CMTM4: variants seen among roughly 807,000 people sequenced by gnomAD.
CMTM4 encodes CKLF-like MARVEL transmembrane domain-containing protein 4.
In CMTM4, 8 loss-of-function variants were observed where a neutral mutation model predicts 19.0. That is an observed-to-expected ratio of 0.42 (90% confidence interval 0.25 to 0.76). The LOEUF (loss-of-function observed/expected upper bound fraction) is 0.76, where lower values mean the gene tolerates loss of function less well. Ranked by LOEUF, CMTM4 falls within the 30% of genes least tolerant of loss-of-function variation. The pLI, the probability that CMTM4 is intolerant of heterozygous loss-of-function variation, is 0.27. For missense variants in CMTM4, 228 were observed against 290.2 expected, an observed-to-expected ratio of 0.79 and a Z score of 1.56; for synonymous variants, 106 against 121.1, an observed-to-expected ratio of 0.88 and a Z score of 0.82.
chr16:66,637,279 T>A (rs1407316222), intron 1 of CMTM4, among the ~76,000 whole-genome samples: 1 of 152,186 alleles, frequency 6.6e-6, no homozygotes, highest in Non-Finnish European at 1.5e-5. Flanking sequence ...GCACGGGGGC[T>A]CATGCCTGTA....
chr16:66,641,893 T>G (rs185593419), intron 1 of CMTM4, among the ~76,000 whole-genome samples: 1 of 152,352 alleles, frequency 6.6e-6, no homozygotes, highest in Non-Finnish European at 1.5e-5. Context: ...TGCTAAATAG[T>G]GTTTCCACAG....
Position 66,620,160 on chromosome 16 carries a change from T to A in CMTM4, c.*1898A>T. ...AGGAGATTTCTGATAAAGCTCAGGA[T>A]GGTCCTTCCAAGTGGGCCCCATTTA... is the stretch of plus-strand genomic sequence containing the variant. On this transcript the variant is annotated 3_prime_UTR_variant, in exon 4 of 4. Transcript: ENST00000394106. 2.0e-6 allele frequency: 2 copies of A among 985,474 alleles called. No homozygotes were observed. Among genetic ancestry groups the A allele is most frequent in the Non-Finnish European group, 2.4e-6 (2 of 829,938 alleles). The allele number at this position is 985,474 out of a possible 1,614,324, so 61.0% of individuals were successfully genotyped here. A position where few individuals can be genotyped will look rare whatever the true frequency, so the allele number is the denominator to read the frequency against.
At chr16:66,661,514 C>G (rs1428604296) in intron 1 of CMTM4, among the ~76,000 whole-genome samples, 1 of 152,170 alleles carries the variant, frequency 6.6e-6, no homozygotes, top group African/African-American at 2.4e-5. Context: ...TATTCACAGG[C>G]AGAAAAGTCT....
intron 2 of CMTM4, among the ~76,000 whole-genome samples, chr16:66,629,769 A>G (rs2015813369): frequency 6.6e-6 from 1 of 152,118 alleles, no homozygotes; most frequent in East Asian, 1.9e-4. Flanking sequence ...ATTGAGTTCA[A>G]TCACCAAATG....
At chr16:66,635,395 G>A (rs1013036165) in intron 2 of CMTM4, among the ~76,000 whole-genome samples, 1 of 152,108 alleles carries the variant, frequency 6.6e-6, no homozygotes, top group Non-Finnish European at 1.5e-5. Context: ...TGCTGGTTAG[G>A]ACAACCCAGA....
At chr16:66,663,541 T>A in intron 1 of CMTM4, among the ~76,000 whole-genome samples, 1 of 127,228 alleles carries the variant, frequency 7.9e-6, no homozygotes, top group East Asian at 2.3e-4. Flanking sequence ...GCTTTTTTTT[T>A]TTTTTTTTTT....
intron 1 of CMTM4, among the ~76,000 whole-genome samples, chr16:66,681,061 A>T (rs2016906058): frequency 6.6e-6 from 1 of 152,196 alleles, no homozygotes; most frequent in Non-Finnish European, 1.5e-5. Flanking sequence ...GTAAAAAAGT[A>T]GAATTTGGAT....
At chr16:66,679,551 T>TGGTG (rs1016659957) in intron 1 of CMTM4, among the ~76,000 whole-genome samples, 43 of 152,034 alleles carry the variant, frequency 2.8e-4, no homozygotes, top group African/African-American at 1.0e-3. Context: ...AGGCCGGGCA[T>TGGTG]GGTGGCTCAT....
chr16:66,642,881 TTC>T (rs2016123347), intron 1 of CMTM4, among the ~76,000 whole-genome samples: 2 of 152,190 alleles, frequency 1.3e-5, no homozygotes, highest in Admixed American at 1.3e-4. Context: ...CACTCTAACT[TTC>T]TGTCACAGCT....
intron 1 of CMTM4, among the ~76,000 whole-genome samples, chr16:66,647,530 G>A (rs899834174): frequency 3.3e-5 from 5 of 151,954 alleles, no homozygotes; most frequent in African/African-American, 1.2e-4. Context: ...ATACACCATT[G>A]GGGGTAAGGA....
chr16:66,626,887 C>T (rs1311404680), intron 2 of CMTM4, among the ~76,000 whole-genome samples: 1 of 151,890 alleles, frequency 6.6e-6, no homozygotes, highest in Non-Finnish European at 1.5e-5. Context: ...ATTGTTTGAG[C>T]TCAGGAGTTC....
chr16:66,652,793 G>A (rs1228510657), intron 1 of CMTM4, among the ~76,000 whole-genome samples: 1 of 152,180 alleles, frequency 6.6e-6, no homozygotes, highest in East Asian at 1.9e-4. Context: ...CTTATTATGT[G>A]GTTTGATGAT....
downstream of CMTM4, chr16:66,611,077 T>G (rs2015358521): frequency 5.1e-6 from 2 of 389,134 alleles, no homozygotes. Flanking sequence ...TTTTATTTTG[T>G]TTTTTTTGTT....
rs1307166388 is a variant in CMTM4 at position 66,636,668 on chromosome 16, G to A, written c.187-87C>T. On this transcript the variant is annotated intron_variant, in intron 1 of 3. Coordinates refer to ENST00000394106, the MANE Select transcript of CMTM4 (RefSeq NM_181521.3). ...GTACCTGCCATGCTTATATAACACT[G>A]AACAACAACATACTGCCACTGAGTT... 2.7e-5 allele frequency: 29 copies of A among 1,076,700 alleles called. 1 individual carries two copies. The Admixed American group carries it at 5.4e-4, about 20-fold the overall frequency. 66.7% of individuals were successfully genotyped at this position (1,076,700 alleles called of 1,614,324 possible).
At chr16:66,633,022 T>C (rs2015906302) in intron 2 of CMTM4, among the ~76,000 whole-genome samples, 1 of 149,962 alleles carries the variant, frequency 6.7e-6, no homozygotes, top group African/African-American at 2.5e-5. Flanking sequence ...GAGGTGGAGG[T>C]TGCGTTGAGC....
chr16:66,674,178 G>A (rs1292380797), intron 1 of CMTM4, among the ~76,000 whole-genome samples: 1 of 152,212 alleles, frequency 6.6e-6, no homozygotes, highest in African/African-American at 2.4e-5. Flanking sequence ...AGGCCTTTGG[G>A]ACCCAGGGGC....
the CMTM4 span, among the ~76,000 whole-genome samples, chr16:66,601,578 A>C: frequency 6.6e-6 from 1 of 152,212 alleles, no homozygotes; most frequent in Non-Finnish European, 1.5e-5. Context: ...TCGGACTGGC[A>C]GCCTGGCCCC....
At chr16:66,685,978 G>C (rs182915597) in intron 1 of CMTM4, among the ~76,000 whole-genome samples, 17 of 152,274 alleles carry the variant, frequency 1.1e-4, no homozygotes, top group African/African-American at 3.8e-4. Context: ...TCTGGAGCCG[G>C]GCATGGTGGC....
intron 1 of CMTM4, among the ~76,000 whole-genome samples, chr16:66,679,431 C>T: frequency 6.6e-6 from 1 of 152,102 alleles, no homozygotes; most frequent in Non-Finnish European, 1.5e-5. Flanking sequence ...AGAGATGTGA[C>T]CCCTGAATTA....
Sources: allele counts gnomAD v4.1 joint callset (sites outside exome capture counted in the v4.1 genomes callset), GRCh38; gene constraint gnomAD v4.1.1; transcripts MANE v1.5; gene names NCBI Gene and HGNC (gene_info 2026-07-23, HGNC 2026-07-21).